The following ASPDH variants were observed in gnomAD, a reference collection of about 807,000 sequenced individuals.
The protein encoded by ASPDH is aspartate dehydrogenase domain containing, also known as aspartate dehydrogenase domain-containing protein.
Under a neutral mutation model 30.5 loss-of-function variants are expected in ASPDH, and 25 were observed. The observed-to-expected ratio is 0.82, with a 90% CI of 0.60 to 1.14. ASPDH has a LOEUF of 1.14. ASPDH is among the 50% of genes most tolerant of loss of function. The pLI, the probability that ASPDH is intolerant of heterozygous loss-of-function variation, is 0.00. For missense variants in ASPDH, 401 were observed against 381.5 expected (o/e 1.05, Z -0.43); for synonymous variants, 168 against 156.3 (o/e 1.07, Z -0.56).
chr19:50,514,913 C>CT, upstream of ASPDH: 1 of 985,388 alleles, frequency 1.0e-6, no homozygotes, highest in Non-Finnish European at 1.2e-6. Flanking sequence ...CACCCAAAGG[C>CT]TGCCGCTGCT....
In ASPDH at chr19:50,512,523, C is replaced by A; in HGVS notation, c.490G>T (p.Ala164Ser). Residue 164 changes from alanine (A) to serine (S), a missense_variant, in exon 5 of 7, where the codon GCT becomes TCT. Physicochemically the swap from Ala to Ser is moderately conservative, Grantham distance 99. Transcript: ENST00000389208. ...CAAGGCCCAGGGCTGTGGGCTGCAG[C>A]CAGGGGTCCCTCAAGCCGGAAGCCA... is the stretch of plus-strand genomic sequence containing the variant. ...PDGFRLEGPL[A>S]AAHSPGPCTV... is the part of the protein sequence containing the mutation. The A allele has an allele frequency of 6.5e-7, 1 of 1,536,760 alleles. No individual in the cohort carries two copies. Among genetic ancestry groups the A allele is most frequent in the Non-Finnish European group, 8.7e-7 (1 of 1,145,050 alleles).
At position 50,512,268 on chromosome 19, in the gene ASPDH, C is replaced by T. The variant is rs377446134; in HGVS notation, c.676G>A (p.Asp226Asn). Reference protein sequence around the residue: ...DTSLTDMHVVDVELSGPRGPT... With the variant: ...DTSLTDMHVVNVELSGPRGPT... ...CCCCGGGGTCCGCTCAGCTCTACAT[C>T]CACCACGTGCATGTCCGTGAGGCTG... is the stretch of plus-strand genomic sequence containing the variant. The change falls in exon 6 of 7, where the codon GAT becomes AAT. Residue 226 changes from aspartate (D) to asparagine (N), a missense_variant. Asp to Asn is a conservative substitution (Grantham distance 23). Coordinates refer to ENST00000389208, the MANE Select transcript of ASPDH (RefSeq NM_001114598.2). 10 of 1,613,474 alleles carry T rather than the reference C, an allele frequency of 6.2e-6. No individual in the cohort carries two copies. The highest frequency in any genetic ancestry group is 1.3e-5 in the African/African-American group (1 of 74,940).
chr19:50,514,385 C>T (rs931820248), upstream of ASPDH: 1 of 1,565,468 alleles, frequency 6.4e-7, no homozygotes, highest in Non-Finnish European at 8.8e-7. Flanking sequence ...GCGGGTCCAA[C>T]CTCCCTAGCC....
rs749592658 is a variant in ASPDH at position 50,512,279 on chromosome 19, A to G, written c.665T>C (p.Met222Thr). Residue 222 changes from methionine to threonine, a missense_variant, in exon 6 of 7, where the codon ATG becomes ACG. Physicochemically the swap from Met to Thr is moderately conservative, Grantham distance 81 (BLOSUM62 -1). Coordinates refer to ENST00000389208, the MANE Select transcript of ASPDH (RefSeq NM_001114598.2). ...GCTCAGCTCTACATCCACCACGTGC[A>G]TGTCCGTGAGGCTGGGACAAGAGGG... is the stretch of plus-strand genomic sequence containing the variant. ...VLVADTSLTD[M>T]HVVDVELSGP... 1.9e-6 allele frequency: 3 copies of G among 1,613,694 alleles called. No individual in the cohort carries two copies. The highest frequency in any genetic ancestry group is 2.5e-6 in the Non-Finnish European group (3 of 1,179,944).
chr19:50,513,782 A>G lies in ASPDH; in HGVS notation c.42T>C (p.Tyr14=). The change falls in exon 1 of 7, where the codon TAT becomes TAC. Residue 14 remains tyrosine (Y), a synonymous_variant. Coordinates refer to ENST00000389208, the MANE Select transcript of ASPDH (RefSeq NM_001114598.2). This position sits in a 1 kb window ranked among gnomAD's most constrained non-coding sequence, Gnocchi z 4.9. ...RGPWRVGVVG[Y]GRLGQSLVSR... is the part of the protein sequence containing the mutation. ...TGGTCAGGGACTCACCGAGGCGGCC[A>G]TAGCCCACCACGCCCACCCTCCACG... 1 of 1,550,550 alleles carries G rather than the reference A, an allele frequency of 6.4e-7. No individual in the cohort carries two copies. The highest frequency in any genetic ancestry group is 8.7e-7 in the Non-Finnish European group (1 of 1,146,200).
Position 50,513,541 on chromosome 19 carries a change from G to A in ASPDH, c.53-125C>T. Reference sequence around the variant, plus strand: ...GGGGACAGACTCAGATTGCGGGGTAGGGAGACAGAGATGGGGGCAGGGCAG... The same window carrying A: ...GGGGACAGACTCAGATTGCGGGGTAAGGAGACAGAGATGGGGGCAGGGCAG... On this transcript the variant is annotated intron_variant, in intron 1 of 6. Transcript: ENST00000389208. This position sits in a 1 kb window ranked among gnomAD's most constrained non-coding sequence, Gnocchi z 4.9. 9.6e-7 allele frequency: 1 copy of A among 1,040,024 alleles called. No homozygotes were observed. Among genetic ancestry groups the A allele is most frequent in the Non-Finnish European group, 1.4e-6 (1 of 728,696 alleles). The allele number at this position is 1,040,024 out of a possible 1,614,324, so 64.4% of individuals were successfully genotyped here. A position where few individuals can be genotyped will look rare whatever the true frequency, so the allele number is the denominator to read the frequency against.
rs1200852587 is a variant in ASPDH at position 50,511,733 on chromosome 19, G to A, written c.849C>T (p.Cys283=). ...GTCTCGGGAGGGAGGAGGCTTCTCA[G>A]CAGAGATGGATCCCCGGCCTGGAGG... ...QLPSRPGIHL[C] is the part of the protein sequence containing the mutation. Residue 283 remains cysteine, a synonymous_variant, in exon 7 of 7, where the codon TGC becomes TGT. Transcript: ENST00000389208. The A allele has an allele frequency of 7.6e-6, 10 of 1,316,464 alleles. No individual in the cohort carries two copies. The East Asian group carries it at 3.1e-4, about 41-fold the overall frequency. The allele number at this position is 1,316,464 out of a possible 1,614,324, so 81.5% of individuals were successfully genotyped here. A position where few individuals can be genotyped will look rare whatever the true frequency, so the allele number is the denominator to read the frequency against.
Position 50,511,762 on chromosome 19 carries a change from G to A in ASPDH, c.820C>T (p.Leu274Phe). The A allele has an allele frequency of 1.5e-6, 2 of 1,318,714 alleles. No homozygotes were observed. Among genetic ancestry groups the A allele is most frequent in the Non-Finnish European group, 1.9e-6 (2 of 1,028,658 alleles). 81.7% of individuals were successfully genotyped at this position (1,318,714 alleles called of 1,614,324 possible). A position where few individuals can be genotyped will look rare whatever the true frequency, so the allele number is the denominator to read the frequency against. ...AGATGGATCCCCGGCCTGGAGGGGA[G>A]CTGGCAGCAGGCTGCGGGGAGAGGG... ...FWQSLLACCQ[L>F]PSRPGIHLC The change falls in exon 7 of 7, where the codon CTC (leucine) becomes TTC (phenylalanine). Residue 274 changes from leucine to phenylalanine, a missense_variant. Coordinates refer to ENST00000389208, the MANE Select transcript of ASPDH (RefSeq NM_001114598.2).
chr19:50,514,651 G>C, upstream of ASPDH: 27 of 1,574,832 alleles, frequency 1.7e-5, no homozygotes, highest in Non-Finnish European at 2.3e-5. Flanking sequence ...TCTGTGCCTT[G>C]AGGGTGCCTG....
chr19:50,512,475 C>T lies in ASPDH; in HGVS notation c.538G>A (p.Val180Ile). The change falls in exon 5 of 7, where the codon GTC (valine) becomes ATC (isoleucine). Residue 180 changes from valine (V) to isoleucine (I), a missense_variant. Coordinates refer to ENST00000389208, the MANE Select transcript of ASPDH (RefSeq NM_001114598.2). ...GPCTVLYEGP[V>I]RGLCPFAPRN... ...GGGGCAAAGGGGCAGAGCCCACGGA[C>T]AGGGCCTTCGTAGAGCACAGTGCAA... The T allele has an allele frequency of 6.3e-7, 1 of 1,593,174 alleles. No homozygotes were observed. Among genetic ancestry groups the T allele is most frequent in the Non-Finnish European group, 8.5e-7 (1 of 1,170,974 alleles).
rs1366863142 is a variant in ASPDH, at chr19:50,511,757, G to A, written c.825C>T (p.Pro275=). ...AGCAGAGATGGATCCCCGGCCTGGAGGGGAGCTGGCAGCAGGCTGCGGGGA... is the reference window on the plus strand; with the variant it reads ...AGCAGAGATGGATCCCCGGCCTGGAAGGGAGCTGGCAGCAGGCTGCGGGGA... ...WQSLLACCQL[P]SRPGIHLC The change falls in exon 7 of 7, where the codon CCC becomes CCT. Residue 275 remains proline, a synonymous_variant. Coordinates refer to ENST00000389208, the MANE Select transcript of ASPDH (RefSeq NM_001114598.2). The A allele has an allele frequency of 9.1e-6, 12 of 1,319,486 alleles. No homozygotes were observed. The highest frequency in any genetic ancestry group is 1.2e-5 in the Non-Finnish European group (12 of 1,029,064). 81.7% of individuals were successfully genotyped at this position (1,319,486 alleles called of 1,614,324 possible).
chr19:50,512,667 GC>G lies in ASPDH; in HGVS notation c.425del (p.Gly142AlafsTer68), dbSNP rs908796543. The G allele has an allele frequency of 6.5e-7, 1 of 1,539,586 alleles. No homozygotes were observed. Among genetic ancestry groups the G allele is most frequent in the African/African-American group, 1.4e-5 (1 of 72,730 alleles). On this transcript the variant is annotated frameshift_variant, in exon 4 of 7. Transcript: ENST00000389208. LOFTEE classifies it high-confidence loss of function. ...GGAGCCCAGCAGGCCTCACCCGGAGGCCCCCAGCTGCATCCAATCTCCTGAT... is the reference window on the plus strand; with the variant it reads ...GGAGCCCAGCAGGCCTCACCCGGAGGCCCCAGCTGCATCCAATCTCCTGAT... ...EDIRRLDAAG[G>X]LRSLRVTMAT...
upstream of ASPDH, chr19:50,514,387 T>C: frequency 1.3e-6 from 2 of 1,569,246 alleles, no homozygotes; most frequent in Admixed American, 1.7e-5. Context: ...GGGTCCAACC[T>C]CCCTAGCCCC....
upstream of ASPDH, chr19:50,514,471 A>C: frequency 6.2e-7 from 1 of 1,614,086 alleles, no homozygotes. Flanking sequence ...ATCATCCTTC[A>C]GTTCACCTTG....
upstream of ASPDH, chr19:50,513,961 G>T: frequency 9.5e-7 from 1 of 1,049,728 alleles, no homozygotes; most frequent in Non-Finnish European, 1.4e-6. This position sits in a 1 kb window ranked among gnomAD's most constrained non-coding sequence, Gnocchi z 4.9. Context: ...CGCAGGCCCA[G>T]CGTGGGGGCG....
Position 50,513,692 on chromosome 19 carries a change from A to T in ASPDH, c.52+80T>A. 8.9e-7 allele frequency: 1 copy of T among 1,121,330 alleles called. No individual in the cohort carries two copies. The highest frequency in any genetic ancestry group is 1.3e-6 in the Non-Finnish European group (1 of 765,616). The allele number at this position is 1,121,330 out of a possible 1,614,324, so 69.5% of individuals were successfully genotyped here. On this transcript the variant is annotated intron_variant, in intron 1 of 6. Transcript: ENST00000389208. The surrounding 1 kb of genome is among the most constrained non-coding windows in gnomAD (Gnocchi z 4.9). ...CCAGGGGCAGATAGAGAGAGAAAAA[A>T]GTGTTTGTGGAGGGCAGAGAGTCTT... is the stretch of plus-strand genomic sequence containing the variant.
Position 50,511,637 on chromosome 19 carries a change from AG to A in ASPDH, c.*92del. 1.4e-6 allele frequency: 1 copy of A among 735,842 alleles called. No individual in the cohort carries two copies. Among genetic ancestry groups the A allele is most frequent in the Non-Finnish European group, 2.0e-6 (1 of 507,532 alleles). 45.6% of individuals were successfully genotyped at this position (735,842 alleles called of 1,614,324 possible). A position where few individuals can be genotyped will look rare whatever the true frequency, so the allele number is the denominator to read the frequency against. On this transcript the variant is annotated 3_prime_UTR_variant, in exon 7 of 7. Coordinates refer to ENST00000389208, the MANE Select transcript of ASPDH (RefSeq NM_001114598.2). Reference sequence around the variant, plus strand: ...CAGCGGTGATCTTTACTGAGTCAGAAGGGAGACCCTGGGGAAGTGGGGCAGG... The same window carrying A: ...CAGCGGTGATCTTTACTGAGTCAGAAGGAGACCCTGGGGAAGTGGGGCAGG...
At chr19:50,511,877 G>A (rs1420602917) in intron 6 of ASPDH, 104 bp from the exon 7 acceptor site, 1 of 819,824 alleles carries the variant, frequency 1.2e-6, no homozygotes, top group Non-Finnish European at 1.8e-6. Context: ...GGGGGCGGTG[G>A]AGGAAGACCC....
In ASPDH at chr19:50,512,275, G is replaced by A. The variant is rs1176490940; in HGVS notation, c.669C>T (p.His223=). Residue 223 remains histidine, a synonymous_variant, in exon 6 of 7, where the codon CAC becomes CAT. Coordinates refer to ENST00000389208, the MANE Select transcript of ASPDH (RefSeq NM_001114598.2). ...LVADTSLTDM[H]VVDVELSGPR... ...GTCCGCTCAGCTCTACATCCACCACGTGCATGTCCGTGAGGCTGGGACAAG... is the reference window on the plus strand; with the variant it reads ...GTCCGCTCAGCTCTACATCCACCACATGCATGTCCGTGAGGCTGGGACAAG... The A allele has an allele frequency of 6.2e-7, 1 of 1,613,698 alleles. No individual in the cohort carries two copies. The highest frequency in any genetic ancestry group is 8.5e-7 in the Non-Finnish European group (1 of 1,179,954).
Sources: allele counts gnomAD v4.1 joint callset, GRCh38; gene constraint gnomAD v4.1.1; non-coding constraint Gnocchi (gnomAD v3.1); transcripts MANE v1.5; gene names NCBI Gene and HGNC (gene_info 2026-07-23, HGNC 2026-07-21).